Variants in HERC2 observed in about 807,000 individuals in gnomAD.
HERC2 encodes E3 ubiquitin-protein ligase HERC2.
A neutral mutation model predicts 537.7 loss-of-function variants in HERC2; 102 were observed. The ratio of observed to expected loss-of-function variants is 0.19; its 90% confidence interval spans 0.16 to 0.22. The LOEUF (loss-of-function observed/expected upper bound fraction) is 0.22, where lower values mean the gene tolerates loss of function less well. HERC2 is among the 10% of genes least tolerant of loss of function. The probability of loss-of-function intolerance (pLI) is 1.00; values close to 1 mark genes in which losing one functional copy is unlikely to be tolerated. For missense variants in HERC2, 4,236 were observed against 6,198.2 expected, an observed-to-expected ratio of 0.68 and a Z score of 10.63; for synonymous variants, 2,224 against 2,466.2, an observed-to-expected ratio of 0.90 and a Z score of 2.91.
intron 23 of HERC2, among the ~76,000 whole-genome samples, chr15:28,244,010 T>C (rs1241231736): frequency 6.6e-6 from 1 of 152,148 alleles, no homozygotes; most frequent in Non-Finnish European, 1.5e-5. Flanking sequence ...ACCGTGTCTC[T>C]ACAAAAAATT....
chr15:28,151,508 A>T (rs1347113168), intron 70 of HERC2, among the ~76,000 whole-genome samples: 2 of 152,062 alleles, frequency 1.3e-5, no homozygotes, highest in Admixed American at 1.3e-4. Context: ...AAAAATAAAT[A>T]AAAGGAAAAA....
At chr15:28,215,363 A>C (rs1405377518) in intron 39 of HERC2, among the ~76,000 whole-genome samples, 2 of 152,198 alleles carry the variant, frequency 1.3e-5, no homozygotes, top group Admixed American at 1.3e-4. Flanking sequence ...TTCTTAAGAC[A>C]ATTACACTAC....
chr15:28,232,759 C>G (rs1022088985), intron 30 of HERC2, among the ~76,000 whole-genome samples: 11 of 152,110 alleles, frequency 7.2e-5, no homozygotes, highest in Non-Finnish European at 1.6e-4. Flanking sequence ...TATCAGAATA[C>G]TCAATATTTC....
chr15:28,116,976 G>A (rs752052766), intron 87 of HERC2, 37 bp downstream of exon 87: 153 of 1,613,550 alleles, frequency 9.5e-5, no homozygotes, highest in Middle Eastern at 4.9e-4. Context: ...GACCACTGCC[G>A]GGGACACAGG....
chr15:28,156,578 T>C (rs1893032032), intron 69 of HERC2, among the ~76,000 whole-genome samples: 1 of 152,206 alleles, frequency 6.6e-6, no homozygotes, highest in Admixed American at 6.5e-5. Flanking sequence ...ATAAGAATGC[T>C]TGTGATTTTT....
At chr15:28,181,757 C>T (rs918875629) in intron 57 of HERC2, among the ~76,000 whole-genome samples, 7 of 152,208 alleles carry the variant, frequency 4.6e-5, no homozygotes, top group Admixed American at 4.6e-4. Flanking sequence ...CTAAGCAACT[C>T]AAAATACAAA....
At chr15:28,143,841 A>G (rs1422991861) in intron 74 of HERC2, 32 bp downstream of exon 74, 1 of 1,613,528 alleles carries the variant, frequency 6.2e-7, no homozygotes, top group Admixed American at 1.7e-5. Flanking sequence ...CAAGGGTCAC[A>G]AATCTAGAAA....
chr15:28,279,634 C>CACACACAA lies in HERC2; in HGVS notation c.542+433_542+434insTTGTGTGT, dbSNP rs1212866799. Among the ~76,000 whole-genome samples the CACACACAA allele has an allele frequency of 2.0e-5, 3 of 151,668 alleles. No homozygotes were observed. The East Asian group carries it at 5.9e-4, about 30-fold the overall frequency. ...CCATCTCCACACACACACACACACA[C>CACACACAA]ACACACACACACACACAAATTGTTT... On this transcript the variant is annotated intron_variant, in intron 5 of 92. Transcript: ENST00000261609.
rs777176934 is a variant in HERC2 at position 28,269,435 on chromosome 15, C to A, written c.1259G>T (p.Gly420Val). 6.2e-7 allele frequency: 1 copy of A among 1,607,938 alleles called. No homozygotes were observed. ...CCAACCTATGACCTCTTGCAATGAT[C>A]CCTGTAAGATAAGAAAGTAAACATT... ...PLCSSPTSHK[G>V]SLQEVIGWGL... Residue 420 changes from glycine to valine, a missense_variant and splice_region_variant, in exon 11 of 93, where the codon GGA becomes GTA. Physicochemically the swap from Gly to Val is moderately radical, Grantham distance 109. Coordinates refer to ENST00000261609, the MANE Select transcript of HERC2 (RefSeq NM_004667.6).
At chr15:28,198,545 T>A in intron 49 of HERC2, 42 bp from the exon 50 acceptor site, 2 of 1,610,092 alleles carry the variant, frequency 1.2e-6, no homozygotes, top group Non-Finnish European at 1.7e-6. Flanking sequence ...AATATTCATT[T>A]AAGGGAATTT....
At position 28,142,964 on chromosome 15, in the gene HERC2, C is replaced by A; in HGVS notation, c.11419-12G>T. ...CTACCTGTAAAACTCTAAGAAACAA[C>A]AGAACAGTATTCTATCGCAGGAATC... is the stretch of plus-strand genomic sequence containing the variant. On this transcript the variant is annotated splice_polypyrimidine_tract_variant and intron_variant, in intron 74 of 92. Transcript: ENST00000261609. The A allele has an allele frequency of 6.2e-7, 1 of 1,606,602 alleles. No individual in the cohort carries two copies. The highest frequency in any genetic ancestry group is 8.5e-7 in the Non-Finnish European group (1 of 1,176,898).
intron 4 of HERC2, among the ~76,000 whole-genome samples, chr15:28,285,105 A>G (rs1306656767): frequency 1.1e-4 from 16 of 152,112 alleles, no homozygotes; most frequent in Admixed American, 2.0e-4. Context: ...TTATAGTTGG[A>G]GACCTCAAAG....
intron 26 of HERC2, 109 bp downstream of exon 26, chr15:28,236,854 C>T: frequency 2.7e-6 from 2 of 746,414 alleles, no homozygotes; most frequent in Non-Finnish European, 2.3e-6. Context: ...TCCCAAACTG[C>T]TGGGATTACA....
At position 28,113,568 on chromosome 15, in the gene HERC2, C is replaced by G; in HGVS notation, c.14019+5G>C. The G allele has an allele frequency of 6.2e-7, 1 of 1,613,122 alleles. No homozygotes were observed. The highest frequency in any genetic ancestry group is 8.5e-7 in the Non-Finnish European group (1 of 1,179,148). ...CAGGGCAGCCCCACCTGGGGGTCGG[C>G]ATACCATCGTCTCCAGTTCGTAGCC... is the stretch of plus-strand genomic sequence containing the variant. On this transcript the variant is annotated splice_donor_5th_base_variant and intron_variant, in intron 91 of 92. Transcript: ENST00000261609. The surrounding 1 kb of genome is among the most constrained non-coding windows in gnomAD (Gnocchi z 7.0).
intron 35 of HERC2, among the ~76,000 whole-genome samples, chr15:28,224,770 CTTAAAT>C (rs1174885491): frequency 6.6e-6 from 1 of 152,082 alleles, no homozygotes; most frequent in African/African-American, 2.4e-5. Context: ...GCCACAAAGT[CTTAAAT>C]TTAAACAGAC....
chr15:28,292,516 TCAAA>T (rs1477922784), intron 4 of HERC2, among the ~76,000 whole-genome samples: 2 of 152,098 alleles, frequency 1.3e-5, no homozygotes, highest in Non-Finnish European at 2.9e-5. Flanking sequence ...TACTGCTTCC[TCAAA>T]CAGTTACACG....
chr15:28,141,403 A>G, intron 78 of HERC2, 29 bp downstream of exon 78: 2 of 1,605,230 alleles, frequency 1.2e-6, no homozygotes, highest in Non-Finnish European at 1.7e-6. Flanking sequence ...AGGCTCAATG[A>G]CCTTGTGACA....
At chr15:28,261,459 A>G (rs1259256377) in intron 15 of HERC2, among the ~76,000 whole-genome samples, 1 of 152,234 alleles carries the variant, frequency 6.6e-6, no homozygotes, top group Non-Finnish European at 1.5e-5. Context: ...TAAATCTAAC[A>G]TGGCCAACAC....
At chr15:28,219,571 C>T (rs954990595) in intron 37 of HERC2, among the ~76,000 whole-genome samples, 6 of 152,208 alleles carry the variant, frequency 3.9e-5, no homozygotes, top group African/African-American at 1.4e-4. Context: ...GGGACCCAGG[C>T]CCCAGAAGTG....
Sources: allele counts gnomAD v4.1 joint callset (sites outside exome capture counted in the v4.1 genomes callset), GRCh38; gene constraint gnomAD v4.1.1; non-coding constraint Gnocchi (gnomAD v3.1); transcripts MANE v1.5; gene names NCBI Gene and HGNC (gene_info 2026-07-23, HGNC 2026-07-21).